The following KAT6A variants were observed in gnomAD, a reference collection of about 807,000 sequenced individuals.
The protein encoded by KAT6A is lysine acetyltransferase 6A, also known as histone acetyltransferase KAT6A.
KAT6A carries 9 observed loss-of-function variants against 198.4 expected under a neutral mutation model. The ratio of observed to expected loss-of-function variants is 0.05; its 90% CI spans 0.03 to 0.08. KAT6A has a LOEUF of 0.08. Among genes scored for constraint, KAT6A ranks in the 10% least tolerant of loss-of-function variants. The pLI is 1.00. For synonymous variants in KAT6A, 890 were observed against 883.0 expected, an observed-to-expected ratio of 1.01 and a Z score of -0.14; for missense variants, 2,077 against 2,509.9, an observed-to-expected ratio of 0.83 and a Z score of 3.69.
chr8:41,994,504 C>A (rs142661436), intron 2 of KAT6A, among the ~76,000 whole-genome samples: 1 of 151,778 alleles, frequency 6.6e-6, no homozygotes, highest in Non-Finnish European at 1.5e-5. Context: ...CTAGAATGTT[C>A]GTCCCAAGAT....
chr8:42,012,686 A>C (rs1826079180), intron 2 of KAT6A, among the ~76,000 whole-genome samples: 1 of 152,218 alleles, frequency 6.6e-6, no homozygotes, highest in South Asian at 2.1e-4. Flanking sequence ...TGCTGTTTTA[A>C]AGCTATCCAG....
chr8:41,946,017 G>A (rs1244733998), intron 12 of KAT6A, among the ~76,000 whole-genome samples: 7 of 147,604 alleles, frequency 4.7e-5, no homozygotes, highest in East Asian at 2.0e-4. Flanking sequence ...GTGACAGAGC[G>A]AGACTCTGTC....
chr8:42,007,603 A>C (rs1825810269), intron 2 of KAT6A, among the ~76,000 whole-genome samples: 1 of 152,174 alleles, frequency 6.6e-6, no homozygotes, highest in African/African-American at 2.4e-5. Context: ...ATGAGAGATG[A>C]AGTTGAGTTA....
At chr8:41,958,762 T>C (rs1228741829) in intron 8 of KAT6A, among the ~76,000 whole-genome samples, 4 of 152,200 alleles carry the variant, frequency 2.6e-5, no homozygotes, top group South Asian at 4.1e-4. Context: ...ATATGAATAT[T>C]CACATTAACT....
intron 2 of KAT6A, among the ~76,000 whole-genome samples, chr8:42,031,029 A>AC (rs1827084958): frequency 1.1e-5 from 1 of 94,140 alleles, no homozygotes; most frequent in Non-Finnish European, 2.4e-5. Context: ...CCAAATGCAA[A>AC]AAAAAAAAAG....
intron 2 of KAT6A, among the ~76,000 whole-genome samples, chr8:42,030,009 T>C (rs528159993): frequency 6.6e-6 from 1 of 152,244 alleles, no homozygotes; most frequent in South Asian, 2.1e-4. Context: ...CCAGCTGGCA[T>C]TGTGATGCTG....
chr8:41,963,759 CTACTT>C (rs562677894), intron 8 of KAT6A, among the ~76,000 whole-genome samples: 33 of 152,168 alleles, frequency 2.2e-4, no homozygotes, highest in Non-Finnish European at 3.4e-4. Flanking sequence ...TACTACTTAA[CTACTT>C]TAAAGAGCTA....
chr8:41,990,283 C>T (rs993825096), intron 2 of KAT6A, among the ~76,000 whole-genome samples: 9 of 151,984 alleles, frequency 5.9e-5, no homozygotes, highest in East Asian at 3.9e-4. Flanking sequence ...TGTATTAAGG[C>T]GCTGAGCAAA....
chr8:41,967,250 C>T (rs1007432909), intron 8 of KAT6A, among the ~76,000 whole-genome samples: 11 of 113,366 alleles, frequency 9.7e-5, no homozygotes, highest in African/African-American at 3.2e-4. Context: ...AATACAAACG[C>T]GTCTTTCTTT....
chr8:42,005,932 C>T (rs572212391), intron 2 of KAT6A, among the ~76,000 whole-genome samples: 1 of 152,220 alleles, frequency 6.6e-6, no homozygotes, highest in South Asian at 2.1e-4. Flanking sequence ...GATTTCAGTT[C>T]TTGGGGGAAG....
intron 13 of KAT6A, 76 bp from the exon 14 acceptor site, chr8:41,943,076 CT>C: frequency 6.4e-7 from 1 of 1,572,690 alleles, no homozygotes; most frequent in South Asian, 1.2e-5. Context: ...GATGAGACCC[CT>C]GGTGAAGCAT....
intron 9 of KAT6A, among the ~76,000 whole-genome samples, chr8:41,952,029 T>G (rs915363802): frequency 2.6e-5 from 4 of 152,152 alleles, no homozygotes; most frequent in African/African-American, 9.7e-5. Context: ...ACAGTAATAT[T>G]CATCTCACAG....
rs571096816 is a variant in KAT6A, at chr8:41,976,588, CTTTT to C, written c.1363+416_1363+419del. ...TCATCACATCTGCAAATATTTTGGTCTTTTTTTTATGCTTAGATCAACAGCATTT... is the reference window on the plus strand; with the variant it reads ...TCATCACATCTGCAAATATTTTGGTCTTTTATGCTTAGATCAACAGCATTT... On this transcript the variant is annotated intron_variant, in intron 7 of 16. Transcript: ENST00000265713. 6.9e-3 allele frequency among the ~76,000 whole-genome samples: 1,047 copies of C among 152,026 alleles called. 13 individuals carry two copies. The highest frequency in any genetic ancestry group is 0.024 in the African/African-American group (1,011 of 41,486).
At chr8:41,965,199 T>G (rs1287752027) in intron 8 of KAT6A, among the ~76,000 whole-genome samples, 1 of 152,252 alleles carries the variant, frequency 6.6e-6, no homozygotes, top group East Asian at 1.9e-4. Context: ...GGTGACAGAT[T>G]TGACCTTAGT....
intron 3 of KAT6A, among the ~76,000 whole-genome samples, chr8:41,982,585 A>C (rs1408387314): frequency 6.6e-6 from 1 of 152,196 alleles, no homozygotes; most frequent in Non-Finnish European, 1.5e-5. Context: ...TGAGTAGCAT[A>C]ATGAGATCTG....
At chr8:41,961,751 CAAAAAA>C (rs913470847) in intron 8 of KAT6A, among the ~76,000 whole-genome samples, 1 of 46,520 alleles carries the variant, frequency 2.1e-5, no homozygotes, top group Admixed American at 2.2e-4. Context: ...GACTCCATCT[CAAAAAA>C]AAAAAAAAAA....
rs1247177341 is a variant in KAT6A at position 41,961,173 on chromosome 8, T to C, written c.1483-5762A>G. Among the ~76,000 whole-genome samples, 5 of 152,232 alleles carry C rather than the reference T, an allele frequency of 3.3e-5. No homozygotes were observed. The East Asian group carries it at 9.6e-4, about 29-fold the overall frequency. ...TTCAGCCAATGCTTTTGCTTCCTAC[T>C]GCACTAAACTGGACAAAATCAAAAG... On this transcript the variant is annotated intron_variant, in intron 8 of 16. Coordinates refer to ENST00000265713, the MANE Select transcript of KAT6A (RefSeq NM_006766.5).
intron 2 of KAT6A, among the ~76,000 whole-genome samples, chr8:42,048,010 T>C (rs1448321695): frequency 1.3e-5 from 2 of 151,804 alleles, no homozygotes; most frequent in African/African-American, 2.4e-5. Context: ...CAACTTCCAG[T>C]AGTAAGGTGT....
chr8:41,977,436 T>G, intron 6 of KAT6A, 109 bp from the exon 7 acceptor site: 1 of 656,382 alleles, frequency 1.5e-6, no homozygotes, highest in Admixed American at 3.0e-5. Flanking sequence ...TATTAAAATC[T>G]ATATTATTAA....
Sources: allele counts gnomAD v4.1 joint callset (sites outside exome capture counted in the v4.1 genomes callset), GRCh38; gene constraint gnomAD v4.1.1; transcripts MANE v1.5; gene names NCBI Gene and HGNC (gene_info 2026-07-23, HGNC 2026-07-21).